ABCF1: variants seen among roughly 807,000 people sequenced by gnomAD.
ABCF1 encodes ATP binding cassette subfamily F member 1.
Under a neutral mutation model 126.3 loss-of-function variants are expected in ABCF1, and 73 were observed. The observed-to-expected ratio is 0.58, with a 90% CI of 0.48 to 0.70. The LOEUF is 0.70. Among genes scored for constraint, ABCF1 ranks in the 30% least tolerant of loss-of-function variants. ABCF1 has a pLI of 0.00. For missense variants in ABCF1, 786 were observed against 1,057.5 expected (o/e 0.74, Z 3.56); for synonymous variants, 345 against 396.4 (o/e 0.87, Z 1.54).
chr6:30,579,796 C>T lies in ABCF1; in HGVS notation c.490-135C>T, dbSNP rs550384853. 2.1e-4 allele frequency: 154 copies of T among 748,850 alleles called. No homozygotes were observed. The African/African-American group carries it at 2.2e-3, about 11-fold the overall frequency. 46.4% of individuals were successfully genotyped at this position (748,850 alleles called of 1,614,324 possible). ...TTATTTAAGTTTCTGGTGGGTTTAT[C>T]GGGATGCAACCTGTCGTAAATGGAG... is the stretch of plus-strand genomic sequence containing the variant. On this transcript the variant is annotated intron_variant, in intron 6 of 24. Transcript: ENST00000326195.
chr6:30,582,999 G>C, intron 9 of ABCF1, 67 bp from the exon 10 acceptor site: 6 of 1,562,668 alleles, frequency 3.8e-6, no homozygotes, highest in Non-Finnish European at 4.4e-6. Context: ...AGCCAGCATG[G>C]GCTGTTTCAT....
chr6:30,587,724 C>T lies in ABCF1; in HGVS notation c.2031+1013C>T, dbSNP rs1167997286. ...ATTAGCTGGGTATGTTGGTGCACGACTGTAGTCCCAGCTACTCGGGAGGCT... is the reference window on the plus strand; with the variant it reads ...ATTAGCTGGGTATGTTGGTGCACGATTGTAGTCCCAGCTACTCGGGAGGCT... On this transcript the variant is annotated intron_variant, in intron 20 of 24. Coordinates refer to ENST00000326195, the MANE Select transcript of ABCF1 (RefSeq NM_001025091.2). Among the ~76,000 whole-genome samples the T allele has an allele frequency of 2.6e-5, 4 of 151,430 alleles. No individual in the cohort carries two copies. The South Asian group carries it at 6.2e-4, about 24-fold the overall frequency.
chr6:30,583,807 AG>A lies in ABCF1; in HGVS notation c.1022del (p.Gly341AlafsTer14). Reference protein sequence around the residue: ...RRYGLVGPNGKGKTTLLKHIA... With the variant: ...RRYGLVGPNGXGKTTLLKHIA... ...TCCTAATAGCTTTTATTCCCCAGCA[AG>A]GGCAAGACCACACTCCTCAAGCACA... On this transcript the variant is annotated frameshift_variant, in exon 12 of 25. Coordinates refer to ENST00000326195, the MANE Select transcript of ABCF1 (RefSeq NM_001025091.2). LOFTEE classifies it high-confidence loss of function. This position sits in a 1 kb window ranked among gnomAD's most constrained non-coding sequence, Gnocchi z 4.1. The A allele has an allele frequency of 6.2e-7, 1 of 1,614,182 alleles. No homozygotes were observed. The highest frequency in any genetic ancestry group is 8.5e-7 in the Non-Finnish European group (1 of 1,180,032).
In ABCF1 at chr6:30,584,140, A is replaced by G. The variant is rs1801980261; in HGVS notation, c.1103-52A>G. ...GAAATGTAATTGAAGGGAAAGAAAGATGAGACTCTTGGCTCTTGAGGCTGC... is the reference window on the plus strand; with the variant it reads ...GAAATGTAATTGAAGGGAAAGAAAGGTGAGACTCTTGGCTCTTGAGGCTGC... On this transcript the variant is annotated intron_variant, in intron 12 of 24. Transcript: ENST00000326195. This position sits in a 1 kb window ranked among gnomAD's most constrained non-coding sequence, Gnocchi z 4.6. The G allele has an allele frequency of 6.3e-7, 1 of 1,575,462 alleles. No individual in the cohort carries two copies. The highest frequency in any genetic ancestry group is 8.6e-7 in the Non-Finnish European group (1 of 1,163,408).
At position 30,586,245 on chromosome 6, in the gene ABCF1, A is replaced by G; in HGVS notation, c.1825A>G (p.Thr609Ala). 4 of 1,613,600 alleles carry G rather than the reference A, an allele frequency of 2.5e-6. No individual in the cohort carries two copies. Among genetic ancestry groups the G allele is most frequent in the Non-Finnish European group, 2.5e-6 (3 of 1,179,808 alleles). Residue 609 changes from threonine to alanine, a missense_variant, in exon 18 of 25, where the codon ACT becomes GCT. By Grantham distance (58) the Thr-to-Ala change is moderately conservative (BLOSUM62 0). Transcript: ENST00000326195. The surrounding 1 kb of genome is among the most constrained non-coding windows in gnomAD (Gnocchi z 4.9). ...PELLKRPKEY[T>A]VRFTFPDPPP... The stretch of plus-strand genomic sequence containing the variant: ...GCTCCTGAAGCGCCCTAAGGAGTAC[A>G]CTGTGCGCTTCACTTTTCCAGACCC...
chr6:30,578,370 A>G lies in ABCF1; in HGVS notation c.366A>G (p.Gly122=), dbSNP rs529354545. 1.9e-6 allele frequency: 3 copies of G among 1,614,044 alleles called. No homozygotes were observed. Among genetic ancestry groups the G allele is most frequent in the South Asian group, 2.2e-5 (2 of 91,078 alleles). The stretch of plus-strand genomic sequence containing the variant: ...CAGTACCCGCCCCAAAACCCCGCGG[A>G]GGGAAGAAAACCAAGGTAAGCCATC... ...EDEVPAPKPR[G]GKKTKGGNVF... is the part of the protein sequence containing the mutation. Residue 122 remains glycine, a synonymous_variant, in exon 5 of 25, where the codon GGA becomes GGG. Coordinates refer to ENST00000326195, the MANE Select transcript of ABCF1 (RefSeq NM_001025091.2).
In ABCF1 at chr6:30,584,327, A is replaced by C; in HGVS notation, c.1238A>C (p.Glu413Ala). ...QGDDTAAERLEKVYEELRATG... is the reference protein window; with the variant it reads ...QGDDTAAERLAKVYEELRATG... ...GATGACACAGCTGCTGAGAGGCTAG[A>C]GAAGGTAGAGGAGATGGCGCAGGGG... Residue 413 changes from glutamate to alanine, a missense_variant, in exon 13 of 25, where the codon GAG becomes GCG. This residue lies in a region of ABCF1 where 163 missense variants were observed against 255.3 expected (regional missense o/e 0.64). Transcript: ENST00000326195. The surrounding 1 kb of genome is among the most constrained non-coding windows in gnomAD (Gnocchi z 4.6). 6.2e-7 allele frequency: 1 copy of C among 1,613,118 alleles called. No individual in the cohort carries two copies. Among genetic ancestry groups the C allele is most frequent in the South Asian group, 1.1e-5 (1 of 91,070 alleles).
Position 30,584,093 on chromosome 6 carries a change from C to T in ABCF1, c.1103-99C>T, listed in dbSNP as rs1439526168. On this transcript the variant is annotated intron_variant, in intron 12 of 24. Coordinates refer to ENST00000326195, the MANE Select transcript of ABCF1 (RefSeq NM_001025091.2). This position sits in a 1 kb window ranked among gnomAD's most constrained non-coding sequence, Gnocchi z 4.6. ...TTTTATTTGGAACAAGTACAAAGAG[C>T]TGGGCAGGGTCAGGCAAAACAGAAA... The T allele has an allele frequency of 2.0e-6, 3 of 1,509,318 alleles. No individual in the cohort carries two copies. Among genetic ancestry groups the T allele is most frequent in the Non-Finnish European group, 2.7e-6 (3 of 1,121,000 alleles). The allele number at this position is 1,509,318 out of a possible 1,614,324, so 93.5% of individuals were successfully genotyped here. A position where few individuals can be genotyped will look rare whatever the true frequency, so the allele number is the denominator to read the frequency against.
At position 30,590,718 on chromosome 6, in the gene ABCF1, G is replaced by A. The variant is rs1262878147; in HGVS notation, c.*17G>A. ...CGAGAGTGAGCTTTCCTTCCCAGAA[G>A]TCTCCCGAGAGACATATTTGTGTGG... On this transcript the variant is annotated 3_prime_UTR_variant, in exon 25 of 25. Transcript: ENST00000326195. The A allele has an allele frequency of 1.2e-5, 19 of 1,595,958 alleles. No homozygotes were observed. Among genetic ancestry groups the A allele is most frequent in the African/African-American group, 2.7e-5 (2 of 74,312 alleles).
At chr6:30,579,869 C>T in intron 6 of ABCF1, 62 bp from the exon 7 acceptor site, 1 of 1,540,694 alleles carries the variant, frequency 6.5e-7, no homozygotes, top group Non-Finnish European at 8.9e-7. Flanking sequence ...ATGCTTATTA[C>T]ACAGCAAAGT....
chr6:30,589,210 C>T (rs1802308930), intron 20 of ABCF1, among the ~76,000 whole-genome samples: 1 of 151,930 alleles, frequency 6.6e-6, no homozygotes, highest in African/African-American at 2.4e-5. Context: ...TGTTGGCCAG[C>T]CTGGTCTCAA....
chr6:30,578,469 G>A lies in ABCF1; in HGVS notation c.382-1G>A. On this transcript the variant is annotated splice_acceptor_variant, in intron 5 of 24. Coordinates refer to ENST00000326195, the MANE Select transcript of ABCF1 (RefSeq NM_001025091.2). LOFTEE classifies it high-confidence loss of function. ...ACTTCTGTGGCCCTTTCATTCTCTA[G>A]GGTGGTAATGTTTTTGCAGCCCTGA... 2 of 1,614,004 alleles carry A rather than the reference G, an allele frequency of 1.2e-6. No homozygotes were observed. The highest frequency in any genetic ancestry group is 1.6e-4 in the Middle Eastern group (1 of 6,062).
intron 1 of ABCF1, among the ~76,000 whole-genome samples, chr6:30,573,537 AC>A (rs1280516863): frequency 6.6e-6 from 1 of 152,164 alleles, no homozygotes. Context: ...AAAGGTGGGA[AC>A]CCTAAAGAAC....
Position 30,589,884 on chromosome 6 carries a change from T to G in ABCF1, c.2143T>G (p.Phe715Val). 1 of 1,614,192 alleles carries G rather than the reference T, an allele frequency of 6.2e-7. No homozygotes were observed. The highest frequency in any genetic ancestry group is 1.1e-5 in the South Asian group (1 of 91,084). Reference sequence around the variant, plus strand: ...GCCCACTGAGTACCTGCAGCGGGGCTTCAACCTGCCCTACCAGGATGCCCG... The same window carrying G: ...GCCCACTGAGTACCTGCAGCGGGGCGTCAACCTGCCCTACCAGGATGCCCG... ...ETPTEYLQRG[F>V]NLPYQDARKC... The change falls in exon 22 of 25, where the codon TTC (phenylalanine) becomes GTC (valine). Residue 715 changes from phenylalanine (F) to valine (V), a missense_variant. Physicochemically the swap from Phe to Val is conservative, Grantham distance 50 (BLOSUM62 -1). This residue lies in a region of ABCF1 where 288 missense variants were observed against 423.5 expected (regional missense o/e 0.68). Coordinates refer to ENST00000326195, the MANE Select transcript of ABCF1 (RefSeq NM_001025091.2).
At position 30,590,231 on chromosome 6, in the gene ABCF1, T is replaced by TG; in HGVS notation, c.2298+21dup. 1.9e-6 allele frequency: 3 copies of TG among 1,612,936 alleles called. No homozygotes were observed. Among genetic ancestry groups the TG allele is most frequent in the Non-Finnish European group, 2.5e-6 (3 of 1,179,970 alleles). Reference sequence around the variant, plus strand: ...TCATCTTGGTGAGTGAGCTGGGCTGTGGGAAAAGGGATAAGGGTAACAGTA... The same window carrying TG: ...TCATCTTGGTGAGTGAGCTGGGCTGTGGGGAAAAGGGATAAGGGTAACAGTA... On this transcript the variant is annotated intron_variant, in intron 23 of 24. Transcript: ENST00000326195.
rs1176150961 is a variant in ABCF1, at chr6:30,577,768, T to G, written c.121-50T>G. 7.0e-6 allele frequency: 11 copies of G among 1,576,674 alleles called. No individual in the cohort carries two copies. In the Admixed American group the frequency reaches 1.8e-4, roughly 26 times the overall value. On this transcript the variant is annotated intron_variant, in intron 2 of 24. Transcript: ENST00000326195. ...CAATGTGTGGCAGAGCACAGCCTGC[T>G]TGGATTGCTCTTGGAAACATGTTTA... is the stretch of plus-strand genomic sequence containing the variant.
At chr6:30,579,455 ATTTTT>A (rs9281009) in intron 6 of ABCF1, among the ~76,000 whole-genome samples, 1 of 112,142 alleles carries the variant, frequency 8.9e-6, no homozygotes. Context: ...AGTTGGAACT[ATTTTT>A]TTTTTTTTTT....
At position 30,590,362 on chromosome 6, in the gene ABCF1, C is replaced by A. The variant is rs771091020; in HGVS notation, c.2355C>A (p.Ile785=). 1 of 1,610,380 alleles carries A rather than the reference C, an allele frequency of 6.2e-7. No individual in the cohort carries two copies. The highest frequency in any genetic ancestry group is 1.1e-5 in the South Asian group (1 of 90,604). ...CTATTGATGCTCTAGGGGAGGCCAT[C>A]AATGAATACAAGGGTGGTAAGTCAG... ...IESIDALGEA[I]NEYKGAVIVV... The change falls in exon 24 of 25, where the codon ATC becomes ATA. Residue 785 remains isoleucine (I), a synonymous_variant. Coordinates refer to ENST00000326195, the MANE Select transcript of ABCF1 (RefSeq NM_001025091.2).
rs559094128 is a variant in ABCF1, at chr6:30,574,416, C to T, written c.73+2856C>T. Among the ~76,000 whole-genome samples, 75 of 152,278 alleles carry T rather than the reference C, an allele frequency of 4.9e-4. No homozygotes were observed. Among genetic ancestry groups the T allele is most frequent in the Non-Finnish European group, 6.8e-4 (46 of 68,018 alleles). On this transcript the variant is annotated intron_variant, in intron 1 of 24. Coordinates refer to ENST00000326195, the MANE Select transcript of ABCF1 (RefSeq NM_001025091.2). The surrounding 1 kb of genome is among the most constrained non-coding windows in gnomAD (Gnocchi z 4.3). ...GTCCCCAAAATGTTGGGATTACAGGCGTGAGCCAGTGTGCCTGGCCACAAA... is the reference window on the plus strand; with the variant it reads ...GTCCCCAAAATGTTGGGATTACAGGTGTGAGCCAGTGTGCCTGGCCACAAA...
Sources: allele counts gnomAD v4.1 joint callset (sites outside exome capture counted in the v4.1 genomes callset), GRCh38; gene constraint gnomAD v4.1.1; regional missense constraint gnomAD v4.1.1; non-coding constraint Gnocchi (gnomAD v3.1); transcripts MANE v1.5; gene names NCBI Gene and HGNC (gene_info 2026-07-23, HGNC 2026-07-21).